PEBP4: variants seen among roughly 807,000 people sequenced by gnomAD.
The protein encoded by PEBP4 is phosphatidylethanolamine-binding protein 4.
PEBP4 carries 22 observed loss-of-function variants against 23.9 expected under a neutral mutation model. The ratio of observed to expected loss-of-function variants is 0.92; its 90% CI spans 0.66 to 1.31. The LOEUF (loss-of-function observed/expected upper bound fraction) is 1.31. PEBP4 is among the 40% of genes most tolerant of loss of function. The pLI, the probability that PEBP4 is intolerant of heterozygous loss-of-function variation, is 0.00. For missense variants in PEBP4, 324 were observed against 281.7 expected, an observed-to-expected ratio of 1.15 and a Z score of -1.07; for synonymous variants, 112 against 99.3, an observed-to-expected ratio of 1.13 and a Z score of -0.76.
At chr8:22,932,312 G>T (rs1466385407), upstream of PEBP4, among the ~76,000 whole-genome samples, 2 of 152,088 alleles carry the variant, frequency 1.3e-5, no homozygotes, top group South Asian at 4.1e-4. Context: ...TAAAGGTGAT[G>T]AAAATGTTCT....
At chr8:22,827,526 A>G (rs1019368942) in intron 3 of PEBP4, among the ~76,000 whole-genome samples, 3 of 152,074 alleles carry the variant, frequency 2.0e-5, no homozygotes, top group African/African-American at 7.3e-5. Context: ...TCTTTTACTC[A>G]GCGTAATGTT....
At chr8:22,903,725 G>T (rs1030914601) in intron 3 of PEBP4, among the ~76,000 whole-genome samples, 1 of 152,238 alleles carries the variant, frequency 6.6e-6, no homozygotes, top group African/African-American at 2.4e-5. Context: ...ACACCCTAGA[G>T]CTCCGAGAAG....
intron 3 of PEBP4, among the ~76,000 whole-genome samples, chr8:22,846,517 T>C: frequency 6.6e-6 from 1 of 152,194 alleles, no homozygotes. Context: ...ACTTGGCTGC[T>C]GAGCCTGTGA....
intron 3 of PEBP4, among the ~76,000 whole-genome samples, chr8:22,859,302 G>A (rs926892879): frequency 1.6e-4 from 25 of 152,194 alleles, no homozygotes; most frequent in African/African-American, 5.8e-4. Context: ...GTAATTCGCC[G>A]AGTGTTGAGC....
chr8:22,732,972 G>A (rs73212860), intron 4 of PEBP4, among the ~76,000 whole-genome samples: 2,592 of 152,314 alleles, frequency 0.017, 34 homozygotes, highest in Non-Finnish European at 0.026. Context: ...CCAGGGTGAT[G>A]CAGACTGTCT....
At chr8:22,802,836 G>A (rs997923931) in intron 4 of PEBP4, among the ~76,000 whole-genome samples, 2 of 152,148 alleles carry the variant, frequency 1.3e-5, no homozygotes, top group Non-Finnish European at 2.9e-5. Flanking sequence ...GCTTAGTGGA[G>A]GATCAAGTAT....
upstream of PEBP4, among the ~76,000 whole-genome samples, chr8:22,932,728 G>T (rs1350051813): frequency 6.6e-6 from 1 of 152,120 alleles, no homozygotes; most frequent in Non-Finnish European, 1.5e-5. Context: ...AATTTTTCCA[G>T]ACACGGTGGC....
chr8:22,787,647 C>T (rs1222974956), intron 4 of PEBP4, among the ~76,000 whole-genome samples: 3 of 152,180 alleles, frequency 2.0e-5, no homozygotes, highest in African/African-American at 7.2e-5. Flanking sequence ...GGGGGTAAGG[C>T]CAATTCAACA....
At chr8:22,930,315 T>G (rs2128782658), upstream of PEBP4, among the ~76,000 whole-genome samples, 1 of 152,334 alleles carries the variant, frequency 6.6e-6, no homozygotes, top group Admixed American at 6.5e-5. Context: ...CTCTTTCCCC[T>G]AGGGTCCATC....
Position 22,801,411 on chromosome 8 carries a change from C to G in PEBP4, c.357+16226G>C, listed in dbSNP as rs777264926. Among the ~76,000 whole-genome samples the G allele has an allele frequency of 4.8e-4, 73 of 152,170 alleles. 1 individual carries two copies. Among genetic ancestry groups the G allele is most frequent in the Admixed American group, 2.0e-3 (31 of 15,278 alleles). On this transcript the variant is annotated intron_variant, in intron 4 of 6. Transcript: ENST00000256404. The stretch of plus-strand genomic sequence containing the variant: ...TGTACCTACCACTGCACCACACTGC[C>G]TCCTGGAGCAAAGAGGTCCCTGCTT...
intron 4 of PEBP4, among the ~76,000 whole-genome samples, chr8:22,781,290 C>T (rs555023406): frequency 6.6e-6 from 1 of 151,334 alleles, no homozygotes; most frequent in East Asian, 2.0e-4. Context: ...TAGGGAGTTC[C>T]GGGAGAGCCG....
At chr8:22,913,480 C>A (rs1157786308) in intron 3 of PEBP4, among the ~76,000 whole-genome samples, 3 of 152,180 alleles carry the variant, frequency 2.0e-5, no homozygotes. Context: ...CTTCCCCCTG[C>A]AGTAGGGGCT....
intron 3 of PEBP4, among the ~76,000 whole-genome samples, chr8:22,821,065 T>C (rs1186755428): frequency 6.6e-6 from 1 of 151,994 alleles, no homozygotes; most frequent in Non-Finnish European, 1.5e-5. Flanking sequence ...TGGTAGCCCA[T>C]GCCTATGGTT....
intron 3 of PEBP4, among the ~76,000 whole-genome samples, chr8:22,889,038 G>C (rs1808441111): frequency 6.6e-6 from 1 of 152,182 alleles, no homozygotes. Flanking sequence ...AAGTATGTTT[G>C]TTTTGTCTTC....
chr8:22,853,335 CAGGTCACAG>C (rs1190666211), intron 3 of PEBP4, among the ~76,000 whole-genome samples: 1 of 152,132 alleles, frequency 6.6e-6, no homozygotes, highest in East Asian at 1.9e-4. Flanking sequence ...TTGGTTTCTC[CAGGTCACAG>C]AGGTGGGATA....
intron 3 of PEBP4, among the ~76,000 whole-genome samples, chr8:22,847,324 A>G (rs548163394): frequency 2.0e-5 from 3 of 152,190 alleles, no homozygotes; most frequent in South Asian, 2.1e-4. Context: ...AGAGATCTCT[A>G]TATTTAAAAT....
intron 3 of PEBP4, among the ~76,000 whole-genome samples, chr8:22,863,896 T>C (rs1387948373): frequency 1.3e-5 from 2 of 152,318 alleles, no homozygotes; most frequent in African/African-American, 2.4e-5. Context: ...GTTTCTCAAA[T>C]GCACGCTGTC....
rs375304130 is a variant in PEBP4 at position 22,940,870 on chromosome 8, G to A, written c.145-13150C>T. Among the ~76,000 whole-genome samples the A allele has an allele frequency of 7.3e-4, 111 of 152,238 alleles. 1 individual carries two copies. In the South Asian group the frequency reaches 0.015, roughly 21 times the overall value. On this transcript the variant is annotated intron_variant, in intron 1 of 1. Coordinates refer to the PEBP4 transcript ENST00000522278. Reference sequence around the variant, plus strand: ...TCCTCTCTCGTAGCAAATTCCTACCGCACACAAACAGGGAAGAAGAGCCCT... The same window carrying A: ...TCCTCTCTCGTAGCAAATTCCTACCACACACAAACAGGGAAGAAGAGCCCT...
chr8:22,877,692 C>T (rs1366167356), intron 3 of PEBP4, among the ~76,000 whole-genome samples: 1 of 151,920 alleles, frequency 6.6e-6, no homozygotes, highest in African/African-American at 2.4e-5. Flanking sequence ...GTTATGAAAC[C>T]CACGGGGACA....
Sources: allele counts gnomAD v4.1 joint callset (sites outside exome capture counted in the v4.1 genomes callset), GRCh38; gene constraint gnomAD v4.1.1; transcripts MANE v1.5; gene names NCBI Gene and HGNC (gene_info 2026-07-23, HGNC 2026-07-21).